The following MARCHF1 variants were observed in gnomAD, a reference collection of about 807,000 sequenced individuals.
The protein encoded by MARCHF1 is membrane associated ring-CH-type finger 1.
In MARCHF1, 40 loss-of-function variants were observed where a neutral mutation model predicts 54.2. The observed-to-expected ratio is 0.74, with a 90% CI of 0.57 to 0.96. The LOEUF is 0.96. MARCHF1 is among the 40% of genes least tolerant of loss of function. The pLI is 0.00. For missense variants in MARCHF1, 586 were observed against 656.5 expected (o/e 0.89, Z 1.17); for synonymous variants, 236 against 236.3 (o/e 1.00, Z 0.01).
chr4:163,700,655 C>A (rs1376628810), intron 5 of MARCHF1, among the ~76,000 whole-genome samples, 158 bp downstream of exon 5: 1 of 152,020 alleles, frequency 6.6e-6, no homozygotes, highest in Non-Finnish European at 1.5e-5. Context: ...AAAATCATGT[C>A]TTCTTATTAC....
chr4:163,592,255 T>A (rs1740615350), intron 7 of MARCHF1, among the ~76,000 whole-genome samples: 3 of 152,182 alleles, frequency 2.0e-5, no homozygotes. Context: ...CGAGTGACAG[T>A]TCTTCATACA....
intron 1 of MARCHF1, among the ~76,000 whole-genome samples, chr4:164,176,818 G>C (rs991741515): frequency 2.0e-5 from 3 of 151,400 alleles, no homozygotes; most frequent in Non-Finnish European, 4.4e-5. Context: ...GAAACACACT[G>C]AGTGTCTGAA....
chr4:163,808,618 G>T (rs979216928), intron 4 of MARCHF1, among the ~76,000 whole-genome samples: 1 of 152,010 alleles, frequency 6.6e-6, no homozygotes, highest in African/African-American at 2.4e-5. Context: ...ACCCAGTCTG[G>T]AGTGCAGTGG....
intron 5 of MARCHF1, among the ~76,000 whole-genome samples, chr4:163,683,721 A>T (rs993473750): frequency 2.6e-5 from 4 of 152,230 alleles, no homozygotes; most frequent in African/African-American, 9.6e-5. Context: ...TGTTCGACTT[A>T]TGATAGCTGA....
At chr4:164,317,393 A>G (rs1209958067) in intron 1 of MARCHF1, among the ~76,000 whole-genome samples, 3 of 152,184 alleles carry the variant, frequency 2.0e-5, no homozygotes, top group African/African-American at 7.2e-5. Flanking sequence ...GTTGTACCAG[A>G]TTCAGGTTCT....
At chr4:164,291,265 T>C (rs1560989732) in intron 1 of MARCHF1, among the ~76,000 whole-genome samples, 1 of 151,996 alleles carries the variant, frequency 6.6e-6, no homozygotes. Flanking sequence ...GGAGTCTTTT[T>C]TGGAAAGGAC....
intron 4 of MARCHF1, among the ~76,000 whole-genome samples, chr4:163,838,645 T>C (rs1749257672): frequency 6.6e-6 from 1 of 152,062 alleles, no homozygotes; most frequent in Non-Finnish European, 1.5e-5. Flanking sequence ...GCCAAGATAA[T>C]TGAACTGAAC....
At chr4:164,061,057 C>A (rs1010088145) in intron 2 of MARCHF1, among the ~76,000 whole-genome samples, 19 of 152,016 alleles carry the variant, frequency 1.2e-4, no homozygotes, top group Admixed American at 3.9e-4. Flanking sequence ...TCTTTTTTAT[C>A]CATACGATTT....
chr4:163,528,004 G>A lies in MARCHF1; in HGVS notation c.*744C>T, dbSNP rs1738192381. ...TGTTGTGTTTCTATTGGACAGCACT[G>A]TATTAGAGGAACCAGATGAAAATAA... On this transcript the variant is annotated 3_prime_UTR_variant, in exon 10 of 10. Coordinates refer to ENST00000514618, the MANE Select transcript of MARCHF1 (RefSeq NM_001394959.1). The A allele has an allele frequency of 6.6e-6, 1 of 152,464 alleles. No homozygotes were observed. Among genetic ancestry groups the A allele is most frequent in the African/African-American group, 2.4e-5 (1 of 41,422 alleles). 9.4% of individuals were successfully genotyped at this position (152,464 alleles called of 1,614,324 possible). A position where few individuals can be genotyped will look rare whatever the true frequency, so the allele number is the denominator to read the frequency against.
rs183691110 is a variant in MARCHF1, at chr4:164,189,068, A to G, written c.-322-77406T>C. 1,002 of 687,494 alleles carry G rather than the reference A, an allele frequency of 1.5e-3. 11 individuals are homozygous for G. The African/African-American group carries it at 0.016, about 11-fold the overall frequency. The allele number at this position is 687,494 out of a possible 1,614,324, so 42.6% of individuals were successfully genotyped here. ...TTCCACCTGGGTGGCAGAACCTTCA[A>G]TGCGTCTCCTCTCACCATTGACAAT... On this transcript the variant is annotated intron_variant, in intron 1 of 9. Coordinates refer to ENST00000514618, the MANE Select transcript of MARCHF1 (RefSeq NM_001394959.1).
chr4:164,375,765 C>T (rs1256062589), intron 1 of MARCHF1, among the ~76,000 whole-genome samples: 1 of 152,190 alleles, frequency 6.6e-6, no homozygotes, highest in Non-Finnish European at 1.5e-5. Flanking sequence ...TCTCTTCAGC[C>T]TACATCACAC....
intron 5 of MARCHF1, among the ~76,000 whole-genome samples, chr4:163,628,379 G>A (rs1216844209): frequency 1.3e-5 from 2 of 152,122 alleles, no homozygotes; most frequent in African/African-American, 4.8e-5. Flanking sequence ...AATAAACTAG[G>A]CATTGATGGA....
chr4:164,291,987 A>G (rs1291630456), intron 1 of MARCHF1, among the ~76,000 whole-genome samples: 1 of 152,126 alleles, frequency 6.6e-6, no homozygotes, highest in Non-Finnish European at 1.5e-5. Context: ...ACATTTTGCT[A>G]AAGTCACAAT....
At chr4:163,606,576 A>G (rs1164535597) in intron 7 of MARCHF1, among the ~76,000 whole-genome samples, 1 of 152,082 alleles carries the variant, frequency 6.6e-6, no homozygotes, top group African/African-American at 2.4e-5. Context: ...AATGAAGTGC[A>G]TATTGAAGCA....
At chr4:163,595,237 G>GC (rs1740724267) in intron 7 of MARCHF1, among the ~76,000 whole-genome samples, 1 of 147,374 alleles carries the variant, frequency 6.8e-6, no homozygotes, top group Admixed American at 6.8e-5. Context: ...GTATAAGCCA[G>GC]TGAGTGGCTC....
chr4:164,188,473 C>A, intron 1 of MARCHF1: 1 of 659,292 alleles, frequency 1.5e-6, no homozygotes, highest in Non-Finnish European at 2.8e-6. Flanking sequence ...CGGTGGTCTG[C>A]GTCGACCTGG....
At chr4:163,887,294 T>G (rs1224475788) in intron 3 of MARCHF1, among the ~76,000 whole-genome samples, 1 of 152,128 alleles carries the variant, frequency 6.6e-6, no homozygotes, top group Non-Finnish European at 1.5e-5. Flanking sequence ...ATGGGAATTT[T>G]CTATTGAAAT....
intron 5 of MARCHF1, among the ~76,000 whole-genome samples, chr4:163,633,586 T>C (rs1248773181): frequency 6.6e-6 from 1 of 152,080 alleles, no homozygotes; most frequent in Non-Finnish European, 1.5e-5. Flanking sequence ...CCAAGAAATA[T>C]GGGACTATGT....
chr4:164,306,598 T>C (rs1734701111), intron 1 of MARCHF1, among the ~76,000 whole-genome samples: 1 of 152,172 alleles, frequency 6.6e-6, no homozygotes. Context: ...TGATCTTAGA[T>C]CATAATCTAT....
Sources: gnomAD v4.1 joint callset for allele counts (sites outside exome capture counted in the v4.1 genomes callset) on GRCh38, gnomAD v4.1.1 for gene constraint, MANE v1.5 for transcripts, NCBI Gene and HGNC (gene_info 2026-07-23, HGNC 2026-07-21) for gene names.